Variants in ZBBX observed in about 807,000 individuals in gnomAD.
The protein encoded by ZBBX is zinc finger B-box domain containing.
ZBBX carries 101 observed loss-of-function variants against 108.5 expected under a neutral mutation model. The ratio of observed to expected loss-of-function variants is 0.93; its 90% CI spans 0.79 to 1.10. ZBBX has a LOEUF of 1.10. Among genes scored for constraint, ZBBX ranks in the 50% least tolerant of loss-of-function variants. The pLI, the probability that ZBBX is intolerant of heterozygous loss-of-function variation, is 0.00. For missense variants in ZBBX, 1,009 were observed against 941.4 expected, an observed-to-expected ratio of 1.07 and a Z score of -0.94; for synonymous variants, 356 against 323.4, an observed-to-expected ratio of 1.10 and a Z score of -1.08.
chr3:167,300,048 G>A (rs1054465140), intron 17 of ZBBX, among the ~76,000 whole-genome samples: 2 of 152,146 alleles, frequency 1.3e-5, no homozygotes, highest in Admixed American at 6.5e-5. Flanking sequence ...GATGCTCAGG[G>A]AGAACCTTTG....
the ZBBX span, among the ~76,000 whole-genome samples, chr3:167,191,918 T>TAGAGAGAG: frequency 3.0e-4 from 34 of 112,544 alleles, 2 homozygotes; most frequent in African/African-American, 1.1e-3. Context: ...TATATATATA[T>TAGAGAGAG]ATATATATAT....
intron 20 of ZBBX, among the ~76,000 whole-genome samples, chr3:167,257,141 G>A (rs1293819656): frequency 6.6e-6 from 1 of 152,012 alleles, no homozygotes; most frequent in Non-Finnish European, 1.5e-5. Flanking sequence ...AGGCTTTATT[G>A]CCTGTCTTTT....
At chr3:167,284,065 T>C (rs1333669666) in intron 19 of ZBBX, among the ~76,000 whole-genome samples, 2 of 152,046 alleles carry the variant, frequency 1.3e-5, no homozygotes, top group Non-Finnish European at 2.9e-5. Flanking sequence ...AATCAATTTT[T>C]AAAATAATTT....
chr3:167,193,612 G>C, the ZBBX span, among the ~76,000 whole-genome samples: 1 of 152,022 alleles, frequency 6.6e-6, no homozygotes, highest in Non-Finnish European at 1.5e-5. Flanking sequence ...TAGTCAGCTT[G>C]CTTCTCCACC....
At chr3:167,357,968 T>G (rs187194592) in intron 8 of ZBBX, among the ~76,000 whole-genome samples, 2 of 151,982 alleles carry the variant, frequency 1.3e-5, no homozygotes, top group African/African-American at 4.8e-5. Flanking sequence ...TAGGTGGGAA[T>G]TGAACAATGA....
chr3:167,352,430 C>CA (rs1742818398), intron 8 of ZBBX, among the ~76,000 whole-genome samples: 1 of 151,754 alleles, frequency 6.6e-6, no homozygotes, highest in South Asian at 2.1e-4. Flanking sequence ...AAGGTTGAAA[C>CA]AGGAAAAAAT....
the ZBBX span, among the ~76,000 whole-genome samples, chr3:167,229,974 T>C: frequency 1.1e-4 from 16 of 151,866 alleles, no homozygotes; most frequent in African/African-American, 3.9e-4. Flanking sequence ...AGCTATCTTT[T>C]AAACATTCAT....
chr3:167,403,372 A>G (rs1445055288), intron 1 of ZBBX, among the ~76,000 whole-genome samples: 1 of 152,158 alleles, frequency 6.6e-6, no homozygotes, highest in East Asian at 1.9e-4. Flanking sequence ...TAAATGAATA[A>G]ATAATAAATC....
chr3:167,263,552 T>C (rs541960718), intron 20 of ZBBX, among the ~76,000 whole-genome samples: 1 of 152,370 alleles, frequency 6.6e-6, no homozygotes, highest in East Asian at 1.9e-4. Context: ...TACTGATTTA[T>C]AGTTTTATTT....
intron 8 of ZBBX, among the ~76,000 whole-genome samples, chr3:167,353,313 A>C (rs183375735): frequency 6.6e-6 from 1 of 152,266 alleles, no homozygotes; most frequent in Admixed American, 6.5e-5. Flanking sequence ...ACTATGAAAA[A>C]GAATGATTTT....
At chr3:167,299,049 T>C (rs1262657900) in intron 17 of ZBBX, among the ~76,000 whole-genome samples, 2 of 152,066 alleles carry the variant, frequency 1.3e-5, no homozygotes, top group African/African-American at 4.8e-5. Flanking sequence ...CCTAGACTTA[T>C]CCTGCCACCC....
the ZBBX span, among the ~76,000 whole-genome samples, chr3:167,231,840 T>C: frequency 6.6e-6 from 1 of 151,952 alleles, no homozygotes; most frequent in African/African-American, 2.4e-5. Context: ...CTTTGTACAG[T>C]TGGAATTCCA....
At chr3:167,304,591 G>A (rs1451514462) in intron 17 of ZBBX, among the ~76,000 whole-genome samples, 1 of 152,156 alleles carries the variant, frequency 6.6e-6, no homozygotes, top group East Asian at 1.9e-4. Flanking sequence ...TAATGTTAAT[G>A]TCTTGGCTTC....
chr3:167,316,016 G>T (rs975826551), intron 14 of ZBBX, among the ~76,000 whole-genome samples, 187 bp from the exon 15 acceptor site: 6 of 152,158 alleles, frequency 3.9e-5, no homozygotes, highest in African/African-American at 1.4e-4. Context: ...TGGTTGATAT[G>T]TCAATTACTT....
chr3:167,231,636 A>T, the ZBBX span, among the ~76,000 whole-genome samples: 1 of 151,836 alleles, frequency 6.6e-6, no homozygotes, highest in African/African-American at 2.4e-5. Context: ...AGGAAAAGCT[A>T]AAGATATTAT....
At chr3:167,342,902 A>C (rs963453313) in intron 9 of ZBBX, among the ~76,000 whole-genome samples, 1 of 151,752 alleles carries the variant, frequency 6.6e-6, no homozygotes, top group Non-Finnish European at 1.5e-5. Flanking sequence ...TACATGTCCA[A>C]ATCCATCAAA....
chr3:167,359,650 A>G (rs1744187199), intron 8 of ZBBX, among the ~76,000 whole-genome samples: 1 of 152,152 alleles, frequency 6.6e-6, no homozygotes, highest in African/African-American at 2.4e-5. Context: ...TGATGTCTTT[A>G]AACAAGAATG....
chr3:167,374,682 G>C (rs942900513), intron 2 of ZBBX, among the ~76,000 whole-genome samples: 4 of 152,000 alleles, frequency 2.6e-5, no homozygotes, highest in Non-Finnish European at 5.9e-5. Context: ...GAGCTCAAAT[G>C]GTTTAGAGTC....
intron 20 of ZBBX, among the ~76,000 whole-genome samples, chr3:167,247,793 A>G (rs1199733188): frequency 1.3e-5 from 2 of 152,130 alleles, no homozygotes; most frequent in Non-Finnish European, 1.5e-5. Flanking sequence ...GAGCTCTGCC[A>G]GGATCCTGGA....
Sources: gnomAD v4.1 joint callset for allele counts (sites outside exome capture counted in the v4.1 genomes callset) on GRCh38, gnomAD v4.1.1 for gene constraint, MANE v1.5 for transcripts, NCBI Gene and HGNC (gene_info 2026-07-23, HGNC 2026-07-21) for gene names.